PTGR1: variants seen among roughly 807,000 people sequenced by gnomAD.
PTGR1 encodes 15-oxoprostaglandin 13-reductase.
In PTGR1, 23 loss-of-function variants were observed where a neutral mutation model predicts 37.7. The observed-to-expected ratio is 0.61, with a 90% confidence interval of 0.44 to 0.86. The LOEUF is 0.86. Ranked by LOEUF, PTGR1 falls within the 40% of genes least tolerant of loss-of-function variation. The pLI, the probability that PTGR1 is intolerant of heterozygous loss-of-function variation, is 0.00. For synonymous variants in PTGR1, 134 were observed against 140.0 expected (o/e 0.96, Z 0.30); for missense variants, 351 against 394.3 (o/e 0.89, Z 0.93).
chr9:111,561,438 A>T (rs1388383691), downstream of PTGR1, among the ~76,000 whole-genome samples: 1 of 151,788 alleles, frequency 6.6e-6, no homozygotes, highest in Non-Finnish European at 1.5e-5. Flanking sequence ...ATGCCCAGCT[A>T]ATTTGAAAAT....
intron 9 of PTGR1, among the ~76,000 whole-genome samples, chr9:111,568,093 CA>C (rs1828648729): frequency 6.6e-6 from 1 of 152,056 alleles, no homozygotes; most frequent in Non-Finnish European, 1.5e-5. Flanking sequence ...AACAGAATAA[CA>C]GCGATTTTCA....
intron 7 of PTGR1, among the ~76,000 whole-genome samples, chr9:111,578,240 G>A (rs904997762): frequency 6.6e-6 from 1 of 152,068 alleles, no homozygotes; most frequent in Non-Finnish European, 1.5e-5. Flanking sequence ...CAGTTTCATT[G>A]GAAGACAATT....
At chr9:111,571,975 T>A (rs994408668) in intron 8 of PTGR1, among the ~76,000 whole-genome samples, 8 of 152,140 alleles carry the variant, frequency 5.3e-5, no homozygotes, top group African/African-American at 1.9e-4. Flanking sequence ...CCTGGTTGAT[T>A]TTCCCAAGTG....
At chr9:111,576,820 G>T (rs1313063524) in intron 7 of PTGR1, 1 of 155,880 alleles carries the variant, frequency 6.4e-6, no homozygotes, top group African/African-American at 2.4e-5. Context: ...GCCAGGTGTG[G>T]TGGCTCATGC....
chr9:111,589,432 T>A lies in PTGR1; in HGVS notation c.210-3267A>T, dbSNP rs558269828. 9 of 853,952 alleles carry A rather than the reference T, an allele frequency of 1.1e-5. No individual in the cohort carries two copies. In the South Asian group the frequency reaches 3.8e-4, roughly 36 times the overall value. 52.9% of individuals were successfully genotyped at this position (853,952 alleles called of 1,614,324 possible). A position where few individuals can be genotyped will look rare whatever the true frequency, so the allele number is the denominator to read the frequency against. On this transcript the variant is annotated intron_variant, in intron 4 of 9. Transcript: ENST00000407693. ...AAAAAATAAAGAATGAGATGTTTGGTTTTTTTAAGAGACAGGGTTTTGCCA... is the reference window on the plus strand; with the variant it reads ...AAAAAATAAAGAATGAGATGTTTGGATTTTTTAAGAGACAGGGTTTTGCCA...
At chr9:111,595,506 T>C (rs1829752699) in intron 2 of PTGR1, among the ~76,000 whole-genome samples, 1 of 152,238 alleles carries the variant, frequency 6.6e-6, no homozygotes, top group Admixed American at 6.5e-5. Flanking sequence ...ATTCATTCTT[T>C]GGAATTTTGA....
chr9:111,569,933 G>A, intron 9 of PTGR1, 158 bp downstream of exon 9: 1 of 1,216,200 alleles, frequency 8.2e-7, no homozygotes, highest in South Asian at 1.5e-5. Flanking sequence ...TCAAAGATGG[G>A]AAAAGTAAGA....
intron 8 of PTGR1, among the ~76,000 whole-genome samples, chr9:111,570,581 C>T (rs977414065): frequency 8.0e-5 from 12 of 150,930 alleles, no homozygotes; most frequent in Non-Finnish European, 1.5e-4. Flanking sequence ...CCAGCCTGGC[C>T]AACATAGTGA....
Position 111,597,361 on chromosome 9 carries a change from T to A in PTGR1, c.62A>T (p.Asp21Val). ...GAGCTCAGCTGTCTTCAACTCAAAG[T>A]CACTATTAGTAGGATAGCCAACAAA... ...KHFVGYPTNSDFELKTAELPP... is the reference protein window; with the variant it reads ...KHFVGYPTNSVFELKTAELPP... Residue 21 changes from aspartate (D) to valine (V), a missense_variant, in exon 2 of 10, where the codon GAC (aspartate) becomes GTC (valine). Asp to Val is a radical substitution (Grantham distance 152). Coordinates refer to ENST00000407693, the MANE Select transcript of PTGR1 (RefSeq NM_001146108.2). The A allele has an allele frequency of 6.2e-7, 1 of 1,613,684 alleles. No homozygotes were observed. The highest frequency in any genetic ancestry group is 1.1e-5 in the South Asian group (1 of 90,952).
At chr9:111,560,944 AATATATATATATATATAT>A (rs746101013), downstream of PTGR1, among the ~76,000 whole-genome samples, 21 of 31,206 alleles carry the variant, frequency 6.7e-4, no homozygotes, top group Non-Finnish European at 1.1e-3. Context: ...CTCCATCTAA[AATATATATATATATATAT>A]ATATATATAT....
chr9:111,583,528 C>G lies in PTGR1; in HGVS notation c.439G>C (p.Val147Leu). 6.2e-7 allele frequency: 1 copy of G among 1,614,144 alleles called. No individual in the cohort carries two copies. Among genetic ancestry groups the G allele is most frequent in the Non-Finnish European group, 8.5e-7 (1 of 1,179,992 alleles). Residue 147 changes from valine (V) to leucine (L), a missense_variant, in exon 6 of 10, where the codon GTT becomes CTT. Physicochemically the swap from Val to Leu is conservative, Grantham distance 32 (BLOSUM62 1). Transcript: ENST00000407693. ...CCCACAGCTCCAGCTGCTGCATTAA[C>G]CATCACTGTTTCTCCACCCTTCACA... is the stretch of plus-strand genomic sequence containing the variant. ...CGVKGGETVM[V>L]NAAAGAVGSV... is the part of the protein sequence containing the mutation.
At chr9:111,591,364 CTTTTTCTTTTTTTT>C (rs906106197) in intron 4 of PTGR1, among the ~76,000 whole-genome samples, 5 of 142,882 alleles carry the variant, frequency 3.5e-5, no homozygotes, top group African/African-American at 1.3e-4. Flanking sequence ...GACAATTTTT[CTTTTTCTTTTTTTT>C]TTTTTTTTTT....
intron 2 of PTGR1, 112 bp from the exon 3 acceptor site, chr9:111,594,379 C>T (rs3739703): frequency 0.59 from 516,851 of 877,368 alleles, 154,335 homozygotes; most frequent in South Asian, 0.62. Flanking sequence ...GTTGAGAAAC[C>T]ACCCATGAGG....
At chr9:111,552,804 A>T (rs1828008225) in intron 9 of PTGR1, among the ~76,000 whole-genome samples, 1 of 151,482 alleles carries the variant, frequency 6.6e-6, no homozygotes, top group South Asian at 2.1e-4. Flanking sequence ...TAAAATATAA[A>T]TATTCTATTA....
intron 4 of PTGR1, among the ~76,000 whole-genome samples, 158 bp from the exon 5 acceptor site, chr9:111,586,323 C>G (rs560892389): frequency 6.6e-6 from 1 of 152,116 alleles, no homozygotes; most frequent in Admixed American, 6.5e-5. Context: ...TCTTAGCCAT[C>G]GGCATAGGGG....
chr9:111,560,974 TAGAGAGAGAGAGAGAGAG>T (rs1172194603), downstream of PTGR1, among the ~76,000 whole-genome samples: 3 of 9,344 alleles, frequency 3.2e-4, no homozygotes, highest in African/African-American at 1.5e-3. Flanking sequence ...TATATATATA[TAGAGAGAGAGAGAGAGAG>T]AGAGAGAGAG....
chr9:111,587,741 C>T (rs1428983708), intron 4 of PTGR1, among the ~76,000 whole-genome samples: 2 of 152,064 alleles, frequency 1.3e-5, no homozygotes, highest in African/African-American at 2.4e-5. Context: ...TGAGACACCG[C>T]GCCCGGATGT....
downstream of PTGR1, among the ~76,000 whole-genome samples, chr9:111,560,990 G>A (rs1301259555): frequency 4.8e-5 from 4 of 83,356 alleles, no homozygotes; most frequent in South Asian, 4.8e-4. Flanking sequence ...GAGAGAGAGA[G>A]AGAGAGAGAG....
At chr9:111,564,849 C>T (rs1010850470) in intron 9 of PTGR1, among the ~76,000 whole-genome samples, 2 of 151,960 alleles carry the variant, frequency 1.3e-5, no homozygotes, top group East Asian at 1.9e-4. Flanking sequence ...AGAGGCCGGG[C>T]GCAGTGGCTC....
Sources: allele counts gnomAD v4.1 joint callset (sites outside exome capture counted in the v4.1 genomes callset), GRCh38; gene constraint gnomAD v4.1.1; transcripts MANE v1.5; gene names NCBI Gene and HGNC (gene_info 2026-07-23, HGNC 2026-07-21).